Variants in RAB3C observed in about 807,000 individuals in gnomAD.
The protein encoded by RAB3C is ras-related protein Rab-3C.
In RAB3C, 17 loss-of-function variants were observed where a neutral mutation model predicts 26.4. The ratio of observed to expected loss-of-function variants is 0.64; its 90% CI spans 0.44 to 0.97. RAB3C has a LOEUF of 0.97. RAB3C is among the 50% of genes least tolerant of loss of function. RAB3C has a pLI of 0.00. For synonymous variants in RAB3C, 91 were observed against 95.9 expected, an observed-to-expected ratio of 0.95 and a Z score of 0.30; for missense variants, 242 against 281.9, an observed-to-expected ratio of 0.86 and a Z score of 1.01.
chr5:58,693,372 A>G (rs1748621389), intron 2 of RAB3C, among the ~76,000 whole-genome samples: 1 of 144,620 alleles, frequency 6.9e-6, no homozygotes, highest in African/African-American at 2.6e-5. Flanking sequence ...AAAATTTCTT[A>G]AAACCTTGCA....
chr5:58,755,855 T>C (rs1211125194), intron 3 of RAB3C, among the ~76,000 whole-genome samples: 3 of 152,176 alleles, frequency 2.0e-5, no homozygotes, highest in African/African-American at 4.8e-5. Flanking sequence ...AATTTTTAAG[T>C]ATGCAAAAGA....
intron 1 of RAB3C, among the ~76,000 whole-genome samples, chr5:58,593,052 A>G (rs953101162): frequency 6.6e-6 from 1 of 152,104 alleles, no homozygotes; most frequent in Admixed American, 6.6e-5. Flanking sequence ...CATGTATGTT[A>G]GAATTCTAAT....
intron 4 of RAB3C, among the ~76,000 whole-genome samples, chr5:58,842,783 A>T (rs1378650917): frequency 6.6e-6 from 1 of 152,228 alleles, no homozygotes; most frequent in Non-Finnish European, 1.5e-5. Flanking sequence ...AATCATTTGT[A>T]TGAAGCTTCA....
intron 3 of RAB3C, among the ~76,000 whole-genome samples, chr5:58,745,446 A>C (rs1240629817): frequency 6.7e-6 from 1 of 149,476 alleles, no homozygotes; most frequent in East Asian, 2.1e-4. Flanking sequence ...TAATAAGCCC[A>C]AGTACCTTTC....
intron 2 of RAB3C, among the ~76,000 whole-genome samples, chr5:58,650,841 A>T (rs1162618571): frequency 1.3e-5 from 2 of 152,204 alleles, no homozygotes; most frequent in African/African-American, 4.8e-5. Flanking sequence ...ATTCTTGTAC[A>T]TTCCGGTAAG....
At chr5:58,672,933 A>AC (rs1748149767) in intron 2 of RAB3C, among the ~76,000 whole-genome samples, 1 of 152,066 alleles carries the variant, frequency 6.6e-6, no homozygotes, top group East Asian at 1.9e-4. Context: ...GTTAAAGTCT[A>AC]CCCCATTTCA....
chr5:58,583,186 G>C lies in RAB3C; in HGVS notation c.-23G>C. 1 of 1,614,200 alleles carries C rather than the reference G, an allele frequency of 6.2e-7. No individual in the cohort carries two copies. The highest frequency in any genetic ancestry group is 8.5e-7 in the Non-Finnish European group (1 of 1,180,036). ...GCCCAGACCAGTGCGGTCCTAGCCAGAGAGAAAGGACATTTGCCAACAATG... is the reference window on the plus strand; with the variant it reads ...GCCCAGACCAGTGCGGTCCTAGCCACAGAGAAAGGACATTTGCCAACAATG... On this transcript the variant is annotated 5_prime_UTR_variant, in exon 1 of 5. Coordinates refer to ENST00000282878, the MANE Select transcript of RAB3C (RefSeq NM_138453.4).
At chr5:58,623,882 C>T (rs1444514936) in intron 2 of RAB3C, among the ~76,000 whole-genome samples, 3 of 152,108 alleles carry the variant, frequency 2.0e-5, no homozygotes, top group African/African-American at 7.2e-5. Flanking sequence ...CCCTGATTCT[C>T]ACTAGGGTTT....
chr5:58,586,356 A>G (rs1376823948), intron 1 of RAB3C, among the ~76,000 whole-genome samples: 1 of 152,068 alleles, frequency 6.6e-6, no homozygotes, highest in Admixed American at 6.6e-5. Flanking sequence ...TTCCTCTGTT[A>G]CTTTTGATTC....
At chr5:58,654,922 G>A (rs1747735738) in intron 2 of RAB3C, among the ~76,000 whole-genome samples, 1 of 152,098 alleles carries the variant, frequency 6.6e-6, no homozygotes, top group South Asian at 2.1e-4. Flanking sequence ...CTGTAGGTGA[G>A]ACAAACAGTA....
intron 1 of RAB3C, among the ~76,000 whole-genome samples, chr5:58,596,601 T>TATATATAAATATATAATATATAATACATA (rs1330879195): frequency 9.4e-5 from 11 of 117,042 alleles, no homozygotes; most frequent in South Asian, 2.3e-4. Context: ...CATAATATAT[T>TATATATAAATATATAATATATAATACATA]ATATATAAAT....
chr5:58,736,723 A>T (rs4700304), intron 3 of RAB3C, among the ~76,000 whole-genome samples: 38,043 of 151,982 alleles, frequency 0.25, 4,777 homozygotes, highest in East Asian at 0.37. Flanking sequence ...CCTCGTCTTA[A>T]CTTCATCTGC....
intron 1 of RAB3C, among the ~76,000 whole-genome samples, chr5:58,612,575 T>TATGTA (rs1299627483): frequency 6.9e-6 from 1 of 145,396 alleles, no homozygotes; most frequent in African/African-American, 2.5e-5. Context: ...TATATATATA[T>TATGTA]TTGGCAGTTG....
intron 3 of RAB3C, among the ~76,000 whole-genome samples, chr5:58,787,781 G>T (rs1444205586): frequency 6.6e-6 from 1 of 152,108 alleles, no homozygotes; most frequent in East Asian, 1.9e-4. Context: ...AGAGCTCTGT[G>T]CCTAGGTCGG....
chr5:58,744,148 G>A (rs1741340871), intron 3 of RAB3C, among the ~76,000 whole-genome samples: 1 of 152,194 alleles, frequency 6.6e-6, no homozygotes, highest in African/African-American at 2.4e-5. Context: ...ACAAGGACAA[G>A]ATCTGCAGTG....
intron 2 of RAB3C, among the ~76,000 whole-genome samples, chr5:58,630,585 A>T (rs1561272698): frequency 6.6e-6 from 1 of 152,230 alleles, no homozygotes; most frequent in Non-Finnish European, 1.5e-5. Flanking sequence ...CTGATTTTTC[A>T]TATCTGTTTC....
chr5:58,635,602 G>A (rs1026696867), intron 2 of RAB3C, among the ~76,000 whole-genome samples: 72 of 152,324 alleles, frequency 4.7e-4, no homozygotes, highest in African/African-American at 1.7e-3. Context: ...GACTTGGCTA[G>A]TGCAGGTGCC....
intron 3 of RAB3C, among the ~76,000 whole-genome samples, chr5:58,781,743 T>C (rs953688046): frequency 8.6e-5 from 13 of 152,022 alleles, no homozygotes; most frequent in African/African-American, 2.7e-4. Flanking sequence ...CAACCTACAC[T>C]GTATCTCTTC....
At chr5:58,666,366 T>C (rs934334138) in intron 2 of RAB3C, among the ~76,000 whole-genome samples, 5 of 152,198 alleles carry the variant, frequency 3.3e-5, no homozygotes, top group Non-Finnish European at 7.3e-5. Context: ...TATGAGTGGA[T>C]AGCTTGAAGT....
Sources: allele counts gnomAD v4.1 joint callset (sites outside exome capture counted in the v4.1 genomes callset), GRCh38; gene constraint gnomAD v4.1.1; transcripts MANE v1.5; gene names NCBI Gene and HGNC (gene_info 2026-07-23, HGNC 2026-07-21).